Variants in ZNF407 observed in about 807,000 individuals in gnomAD.
ZNF407 encodes the protein zinc finger protein 407.
Under a neutral mutation model 131.2 loss-of-function variants are expected in ZNF407, and 17 were observed. The ratio of observed to expected loss-of-function variants is 0.13; its 90% CI spans 0.09 to 0.19. The LOEUF is 0.19. Among genes scored for constraint, ZNF407 ranks in the 10% least tolerant of loss-of-function variants. ZNF407 has a pLI of 1.00. For synonymous variants in ZNF407, 1,156 were observed against 1,062.0 expected (o/e 1.09, Z -1.72); for missense variants, 2,681 against 2,830.6 (o/e 0.95, Z 1.20).
chr18:74,906,134 T>C (rs1479008337), intron 7 of ZNF407, among the ~76,000 whole-genome samples: 1 of 152,184 alleles, frequency 6.6e-6, no homozygotes, highest in Admixed American at 6.5e-5. Flanking sequence ...GTACCCCTTG[T>C]AGGCATTCCT....
intron 8 of ZNF407, among the ~76,000 whole-genome samples, chr18:75,049,110 GGGT>G (rs1568311645): frequency 4.1e-5 from 6 of 146,274 alleles, no homozygotes; most frequent in African/African-American, 1.6e-4. Context: ...GGTGGGGGGG[GGGT>G]GGGGGAGTTG....
chr18:74,755,775 C>CTTTCTTTCTTTCTT (rs1454993539), intron 3 of ZNF407, among the ~76,000 whole-genome samples: 39 of 15,020 alleles, frequency 2.6e-3, no homozygotes, highest in Admixed American at 5.8e-3. Context: ...CTTTCTTTCT[C>CTTTCTTTCTTTCTT]TCTCTCTCTT....
intron 6 of ZNF407, among the ~76,000 whole-genome samples, chr18:74,888,559 T>C (rs1237755479): frequency 1.3e-5 from 2 of 152,188 alleles, no homozygotes; most frequent in Admixed American, 6.5e-5. Context: ...ATATTTAGAT[T>C]TGATAAAAGT....
intron 3 of ZNF407, among the ~76,000 whole-genome samples, chr18:74,668,935 T>G (rs1986032931): frequency 6.6e-6 from 1 of 152,104 alleles, no homozygotes; most frequent in African/African-American, 2.4e-5. Context: ...GTCTCTGTTC[T>G]CATGCGTGTC....
At chr18:74,957,311 A>G (rs1384793680) in intron 8 of ZNF407, among the ~76,000 whole-genome samples, 1 of 152,128 alleles carries the variant, frequency 6.6e-6, no homozygotes, top group Non-Finnish European at 1.5e-5. Flanking sequence ...GCCAACCGTG[A>G]GTCAGTCCCG....
At chr18:74,731,817 T>G (rs1270539506) in intron 3 of ZNF407, among the ~76,000 whole-genome samples, 1 of 152,122 alleles carries the variant, frequency 6.6e-6, no homozygotes, top group Non-Finnish European at 1.5e-5. Flanking sequence ...ATTCCTTGTC[T>G]CCATAATTTA....
At chr18:74,717,788 A>G (rs1406120560) in intron 3 of ZNF407, among the ~76,000 whole-genome samples, 2 of 152,226 alleles carry the variant, frequency 1.3e-5, no homozygotes, top group Non-Finnish European at 2.9e-5. Flanking sequence ...ATTATATAAT[A>G]TACTTACTGG....
intron 3 of ZNF407, among the ~76,000 whole-genome samples, chr18:74,720,141 G>A (rs1182669103): frequency 6.6e-6 from 1 of 151,208 alleles, no homozygotes; most frequent in Non-Finnish European, 1.5e-5. Context: ...ATAAGAAATA[G>A]TTTCCTTTTC....
intron 4 of ZNF407, among the ~76,000 whole-genome samples, chr18:74,837,495 A>G (rs1033633274): frequency 2.0e-5 from 3 of 152,046 alleles, no homozygotes; most frequent in Non-Finnish European, 4.4e-5. Flanking sequence ...TTAAAGCAAG[A>G]TGAAATATCA....
intron 8 of ZNF407, among the ~76,000 whole-genome samples, chr18:75,029,106 A>T (rs1037048393): frequency 2.6e-5 from 4 of 152,108 alleles, no homozygotes; most frequent in Non-Finnish European, 5.9e-5. Flanking sequence ...TGCACATAAT[A>T]TAGGGTTTCT....
At chr18:74,651,441 G>A (rs1458906199) in intron 3 of ZNF407, among the ~76,000 whole-genome samples, 3 of 152,106 alleles carry the variant, frequency 2.0e-5, no homozygotes, top group Non-Finnish European at 4.4e-5. Context: ...TTTCAGCCCG[G>A]TTTTGAAGAA....
intron 2 of ZNF407, among the ~76,000 whole-genome samples, chr18:74,640,603 A>G (rs1007299777): frequency 1.3e-5 from 2 of 152,202 alleles, no homozygotes; most frequent in South Asian, 2.1e-4. Flanking sequence ...TTTGATGATA[A>G]ATATGCTTTT....
intron 3 of ZNF407, among the ~76,000 whole-genome samples, chr18:74,762,151 C>T (rs866731140): frequency 6.6e-6 from 1 of 151,834 alleles, no homozygotes; most frequent in African/African-American, 2.4e-5. Flanking sequence ...TTTATCCTTT[C>T]GTAGTACCAT....
At chr18:74,668,083 C>T (rs930423219) in intron 3 of ZNF407, among the ~76,000 whole-genome samples, 5 of 152,106 alleles carry the variant, frequency 3.3e-5, no homozygotes, top group African/African-American at 1.2e-4. Context: ...ACCCAAGAAC[C>T]TGAAGTCCGA....
At chr18:74,761,430 T>C (rs184313750) in intron 3 of ZNF407, among the ~76,000 whole-genome samples, 11 of 152,012 alleles carry the variant, frequency 7.2e-5, no homozygotes, top group Admixed American at 3.9e-4. Context: ...CTTAGCACAA[T>C]TTTTTTTACA....
rs765022558 is a variant in ZNF407, at chr18:74,633,500, C to T, written c.2481C>T (p.Ser827=). ...AGGAACTGTCACAGTCTGGTGGTAGCACCAAAGATGATGAATTAGCTTCAA... is the reference window on the plus strand; with the variant it reads ...AGGAACTGTCACAGTCTGGTGGTAGTACCAAAGATGATGAATTAGCTTCAA... ...ASEELSQSGG[S]TKDDELASTT... is the part of the protein sequence containing the mutation. Residue 827 remains serine (S), a synonymous_variant, in exon 2 of 9, where the codon AGC becomes AGT. Coordinates refer to ENST00000299687, the MANE Select transcript of ZNF407 (RefSeq NM_017757.3). 1.2e-6 allele frequency: 2 copies of T among 1,613,780 alleles called. No individual in the cohort carries two copies. Among genetic ancestry groups the T allele is most frequent in the African/African-American group, 2.7e-5 (2 of 74,886 alleles).
At chr18:74,672,982 T>TG (rs1986212248) in intron 3 of ZNF407, among the ~76,000 whole-genome samples, 1 of 152,222 alleles carries the variant, frequency 6.6e-6, no homozygotes, top group African/African-American at 2.4e-5. Flanking sequence ...CTGACTTTTT[T>TG]TGTGTGGCTA....
intron 1 of ZNF407, among the ~76,000 whole-genome samples, chr18:74,609,423 T>C (rs566085148): frequency 6.6e-6 from 1 of 152,320 alleles, no homozygotes; most frequent in East Asian, 1.9e-4. Context: ...CTGTACTGAA[T>C]GCTGTAGGCA....
chr18:74,844,431 A>C (rs1250664057), intron 4 of ZNF407, among the ~76,000 whole-genome samples: 2 of 152,208 alleles, frequency 1.3e-5, no homozygotes, highest in African/African-American at 4.8e-5. Context: ...GCCTGTGTTC[A>C]TGCCCTTAAC....
Sources: allele counts gnomAD v4.1 joint callset (sites outside exome capture counted in the v4.1 genomes callset), GRCh38; gene constraint gnomAD v4.1.1; transcripts MANE v1.5; gene names NCBI Gene and HGNC (gene_info 2026-07-23, HGNC 2026-07-21).